Variants in OR10J1 observed in about 807,000 individuals in gnomAD.
The protein encoded by OR10J1 is olfactory receptor 10J1.
For synonymous variants in OR10J1, 202 were observed against 143.8 expected, an observed-to-expected ratio of 1.40 and a Z score of -2.89; for missense variants, 474 against 376.6, an observed-to-expected ratio of 1.26 and a Z score of -2.14.
the OR10J1 span, among the ~76,000 whole-genome samples, chr1:159,423,503 G>A: frequency 6.6e-6 from 1 of 152,182 alleles, no homozygotes; most frequent in Non-Finnish European, 1.5e-5. Context: ...AGCAGATTTA[G>A]TCTCCCTAAG....
the OR10J1 span, among the ~76,000 whole-genome samples, chr1:159,411,984 C>T: frequency 1.3e-5 from 2 of 152,106 alleles, no homozygotes; most frequent in Non-Finnish European, 2.9e-5. Flanking sequence ...GCAACTTCAG[C>T]AAATACTCAG....
chr1:159,440,293 T>A lies in OR10J1; in HGVS notation c.502T>A (p.Phe168Ile). 1 of 1,614,182 alleles carries A rather than the reference T, an allele frequency of 6.2e-7. No individual in the cohort carries two copies. The highest frequency in any genetic ancestry group is 8.5e-7 in the Non-Finnish European group (1 of 1,180,020). The change falls in exon 1 of 1, where the codon TTC (phenylalanine) becomes ATC (isoleucine). Residue 168 changes from phenylalanine to isoleucine, a missense_variant. Transcript: ENST00000423932. The part of the protein sequence containing the change: ...TQVTSVFRLP[F>I]CARKVPHFFC... ...AGTGACATCTGTATTCAGGTTACCC[T>A]TCTGTGCTAGAAAGGTGCCCCACTT...
In OR10J1 at chr1:159,440,335, C is replaced by T. The variant is rs754093603; in HGVS notation, c.544C>T (p.Pro182Ser). ...KVPHFFCDIR[P>S]VMKLSCIDTT... ...GCCCCACTTCTTCTGTGACATCCGC[C>T]CTGTGATGAAGCTCTCCTGCATTGA... The change falls in exon 1 of 1, where the codon CCT (proline) becomes TCT (serine). Residue 182 changes from proline to serine, a missense_variant. Coordinates refer to ENST00000423932, the MANE Select transcript of OR10J1 (RefSeq NM_012351.3). The T allele has an allele frequency of 3.1e-6, 5 of 1,614,012 alleles. No individual in the cohort carries two copies. The East Asian group carries it at 1.1e-4, about 36-fold the overall frequency.
the OR10J1 span, among the ~76,000 whole-genome samples, chr1:159,408,333 G>A: frequency 6.6e-6 from 1 of 151,870 alleles, no homozygotes; most frequent in East Asian, 1.9e-4. Context: ...GATGCAATGG[G>A]AAATCATCAT....
At chr1:159,408,291 A>G in the OR10J1 span, among the ~76,000 whole-genome samples, 1 of 152,092 alleles carries the variant, frequency 6.6e-6, no homozygotes, top group Non-Finnish European at 1.5e-5. Context: ...AACCATAAAA[A>G]ATGATGAGTT....
the OR10J1 span, chr1:159,432,402 C>G: frequency 2.5e-6 from 1 of 403,538 alleles, no homozygotes; most frequent in East Asian, 3.5e-5. Flanking sequence ...CCTGAGTGTG[C>G]TGTCTATTTC....
chr1:159,413,056 A>T, the OR10J1 span, among the ~76,000 whole-genome samples: 3 of 152,240 alleles, frequency 2.0e-5, no homozygotes, highest in African/African-American at 7.2e-5. Context: ...TCAAAGGAAG[A>T]CATTTATGCA....
At chr1:159,429,156 T>C in the OR10J1 span, among the ~76,000 whole-genome samples, 1 of 152,212 alleles carries the variant, frequency 6.6e-6, no homozygotes, top group Non-Finnish European at 1.5e-5. Flanking sequence ...AAGGAGAAGG[T>C]GCTCAGCTTT....
chr1:159,408,410 A>G, the OR10J1 span, among the ~76,000 whole-genome samples: 1 of 150,006 alleles, frequency 6.7e-6, no homozygotes. Flanking sequence ...GTGGGAATTG[A>G]ACAATGAGAA....
At chr1:159,424,450 AAATATAT>A in the OR10J1 span, among the ~76,000 whole-genome samples, 68,649 of 147,768 alleles carry the variant, frequency 0.46, 19,264 homozygotes, top group Middle Eastern at 0.65. Context: ...ATAAATATGT[AAATATAT>A]AATATAAATA....
the OR10J1 span, among the ~76,000 whole-genome samples, chr1:159,400,561 T>A: frequency 6.7e-6 from 1 of 149,522 alleles, no homozygotes; most frequent in Non-Finnish European, 1.5e-5. Flanking sequence ...AAAATTTAAA[T>A]ATATATTTAT....
At chr1:159,423,995 T>C in the OR10J1 span, among the ~76,000 whole-genome samples, 1 of 151,810 alleles carries the variant, frequency 6.6e-6, no homozygotes, top group South Asian at 2.1e-4. Context: ...GGCGAGTGGG[T>C]CACTAGGTCA....
At chr1:159,426,469 C>T in the OR10J1 span, among the ~76,000 whole-genome samples, 258 of 151,866 alleles carry the variant, frequency 1.7e-3, no homozygotes, top group Non-Finnish European at 3.2e-3. Context: ...AATAATTCAC[C>T]AGGAAGATAC....
At chr1:159,409,290 G>A in the OR10J1 span, among the ~76,000 whole-genome samples, 1 of 152,050 alleles carries the variant, frequency 6.6e-6, no homozygotes. Flanking sequence ...GCATGAAGCT[G>A]ACCAAGGATT....
the OR10J1 span, among the ~76,000 whole-genome samples, chr1:159,403,279 A>G: frequency 6.6e-6 from 1 of 152,166 alleles, no homozygotes; most frequent in South Asian, 2.1e-4. Context: ...ACATCAAGTT[A>G]AAAAGCTTCT....
the OR10J1 span, among the ~76,000 whole-genome samples, chr1:159,409,639 T>C: frequency 6.6e-6 from 1 of 152,114 alleles, no homozygotes; most frequent in African/African-American, 2.4e-5. Context: ...TTTACATGTA[T>C]TATCTATCTC....
At position 159,440,751 on chromosome 1, in the gene OR10J1, C is replaced by A; in HGVS notation, c.*30C>A. On this transcript the variant is annotated 3_prime_UTR_variant, in exon 1 of 1. Coordinates refer to ENST00000423932, the MANE Select transcript of OR10J1 (RefSeq NM_012351.3). Reference sequence around the variant, plus strand: ...GTAGGAAGAGTTCTCCTGAGGCTGTCAACATCCACACTAGGCAGGAATATG... The same window carrying A: ...GTAGGAAGAGTTCTCCTGAGGCTGTAAACATCCACACTAGGCAGGAATATG... 2 of 1,588,312 alleles carry A rather than the reference C, an allele frequency of 1.3e-6. No individual in the cohort carries two copies. Among genetic ancestry groups the A allele is most frequent in the South Asian group, 2.3e-5 (2 of 87,102 alleles).
chr1:159,406,205 G>A, the OR10J1 span: 1 of 522,432 alleles, frequency 1.9e-6, no homozygotes, highest in South Asian at 1.4e-5. Context: ...GTGTGGAGGT[G>A]AATGTCCAGG....
the OR10J1 span, among the ~76,000 whole-genome samples, chr1:159,406,859 C>A: frequency 6.6e-5 from 10 of 152,128 alleles, no homozygotes; most frequent in Non-Finnish European, 1.5e-5. Context: ...GGGAGGATCC[C>A]AGATCAAGCA....
Sources: allele counts gnomAD v4.1 joint callset (sites outside exome capture counted in the v4.1 genomes callset), GRCh38; gene constraint gnomAD v4.1.1; transcripts MANE v1.5; gene names NCBI Gene and HGNC (gene_info 2026-07-23, HGNC 2026-07-21).